SMAD3: variants seen among roughly 807,000 people sequenced by gnomAD.
SMAD3 encodes the protein SMAD family member 3.
In SMAD3, 12 loss-of-function variants were observed where a neutral mutation model predicts 51.8. That is an observed-to-expected ratio of 0.23 (90% CI 0.15 to 0.38). The LOEUF (loss-of-function observed/expected upper bound fraction) is 0.38, where lower values mean the gene tolerates loss of function less well. Among genes scored for constraint, SMAD3 ranks in the 10% least tolerant of loss-of-function variants. The pLI is 1.00. For synonymous variants in SMAD3, 238 were observed against 227.7 expected, an observed-to-expected ratio of 1.05 and a Z score of -0.41; for missense variants, 294 against 565.6, an observed-to-expected ratio of 0.52 and a Z score of 4.87.
intron 1 of SMAD3, among the ~76,000 whole-genome samples, chr15:67,150,172 C>CGA (rs1419203145): frequency 1.3e-5 from 2 of 152,162 alleles, no homozygotes; most frequent in African/African-American, 4.8e-5. Flanking sequence ...ACTGCCTCTC[C>CGA]GCGTGAATGT....
intron 7 of SMAD3, chr15:67,186,828 C>T (rs1963233330): frequency 5.8e-6 from 2 of 345,838 alleles, no homozygotes; most frequent in Non-Finnish European, 1.1e-5. Context: ...GTGGAGGGTG[C>T]ACTGGGCCCT....
At chr15:67,091,697 G>A (rs1188843507) in intron 1 of SMAD3, among the ~76,000 whole-genome samples, 3 of 151,964 alleles carry the variant, frequency 2.0e-5, no homozygotes, top group Admixed American at 2.0e-4. Flanking sequence ...AGTTTTTTGG[G>A]GAAAGAAAAC....
At chr15:67,090,944 G>A (rs968813135) in intron 1 of SMAD3, among the ~76,000 whole-genome samples, 1 of 152,184 alleles carries the variant, frequency 6.6e-6, no homozygotes, top group Non-Finnish European at 1.5e-5. Context: ...CTGCTGCAGG[G>A]TTGCGTCTTG....
chr15:67,098,762 C>T, intron 1 of SMAD3: 1 of 643,404 alleles, frequency 1.6e-6, no homozygotes, highest in South Asian at 1.7e-5. Flanking sequence ...TCCACAGCCC[C>T]CGGAAGGCAG....
intron 1 of SMAD3, among the ~76,000 whole-genome samples, chr15:67,104,801 G>A (rs1960840502): frequency 6.6e-6 from 1 of 152,258 alleles, no homozygotes; most frequent in Non-Finnish European, 1.5e-5. Context: ...CTAGATAAAT[G>A]TATAAACTGC....
chr15:67,137,359 T>G (rs1312932687), intron 1 of SMAD3, among the ~76,000 whole-genome samples: 1 of 152,222 alleles, frequency 6.6e-6, no homozygotes, highest in East Asian at 1.9e-4. Flanking sequence ...CCTTTTCGCT[T>G]TTTTAAACTG....
At chr15:67,081,783 C>T (rs1960284816) in intron 1 of SMAD3, among the ~76,000 whole-genome samples, 1 of 152,082 alleles carries the variant, frequency 6.6e-6, no homozygotes, top group Admixed American at 6.6e-5. Context: ...CGGGAGCCTC[C>T]TGGTATCTTG....
chr15:67,102,234 G>A (rs1198714433), intron 1 of SMAD3, among the ~76,000 whole-genome samples: 1 of 115,820 alleles, frequency 8.6e-6, no homozygotes, highest in Non-Finnish European at 1.8e-5. Flanking sequence ...AGTCTTGGGG[G>A]AAATGCTGTG....
chr15:67,088,730 C>T (rs981420436), intron 1 of SMAD3, among the ~76,000 whole-genome samples: 16 of 152,248 alleles, frequency 1.1e-4, no homozygotes, highest in South Asian at 2.1e-4. Context: ...AGTTCGAGAC[C>T]AGCCCGACCA....
intron 1 of SMAD3, among the ~76,000 whole-genome samples, chr15:67,093,016 A>G (rs1356685621): frequency 6.6e-6 from 1 of 152,188 alleles, no homozygotes; most frequent in African/African-American, 2.4e-5. Flanking sequence ...TTGAGTCAAC[A>G]GGAAGACTGG....
At chr15:67,084,082 T>C (rs1310777368) in intron 1 of SMAD3, among the ~76,000 whole-genome samples, 3 of 131,092 alleles carry the variant, frequency 2.3e-5, no homozygotes, top group Admixed American at 7.3e-5. Context: ...TTTTTTTTTT[T>C]TTTTTTTTTT....
At chr15:67,070,247 C>T (rs1358048738) in intron 1 of SMAD3, among the ~76,000 whole-genome samples, 1 of 152,096 alleles carries the variant, frequency 6.6e-6, no homozygotes, top group African/African-American at 2.4e-5. Flanking sequence ...TCCATTATCT[C>T]TTTGCTCTTG....
chr15:67,153,053 C>T (rs1962188198), intron 1 of SMAD3, among the ~76,000 whole-genome samples: 1 of 152,176 alleles, frequency 6.6e-6, no homozygotes, highest in African/African-American at 2.4e-5. Context: ...CTGTTCCTTG[C>T]TGGGTGACTT....
chr15:67,177,484 G>T (rs71400360), intron 5 of SMAD3, among the ~76,000 whole-genome samples: 3 of 146,602 alleles, frequency 2.0e-5, no homozygotes, highest in African/African-American at 7.8e-5. Context: ...GTGCAGTGGC[G>T]TGATCTTGGC....
rs148285814 is a variant in SMAD3, at chr15:67,088,002, C to T, written c.206+21642C>T. Among the ~76,000 whole-genome samples, 44 of 152,260 alleles carry T rather than the reference C, an allele frequency of 2.9e-4. No individual in the cohort carries two copies. The East Asian group carries it at 8.5e-3, about 29-fold the overall frequency. ...TCAGAGTTCTTGTACTGACATGGCC[C>T]AGCTGATTGACAGCTCAGATGTGAT... On this transcript the variant is annotated intron_variant, in intron 1 of 8. Transcript: ENST00000327367.
chr15:67,184,014 G>T (rs1567001470), intron 6 of SMAD3, among the ~76,000 whole-genome samples: 1 of 151,948 alleles, frequency 6.6e-6, no homozygotes, highest in Non-Finnish European at 1.5e-5. Context: ...TGGGGTAGTA[G>T]TAGCAGTAGC....
chr15:67,128,982 C>T (rs12439500), intron 1 of SMAD3, among the ~76,000 whole-genome samples: 44,065 of 152,038 alleles, frequency 0.29, 6,804 homozygotes, highest in Middle Eastern at 0.37. Flanking sequence ...TTGCGTTTTA[C>T]AGATGCGGCA....
intron 1 of SMAD3, among the ~76,000 whole-genome samples, chr15:67,085,412 C>T (rs1016091386): frequency 6.6e-6 from 1 of 152,176 alleles, no homozygotes; most frequent in African/African-American, 2.4e-5. Flanking sequence ...GTTTCTTCCA[C>T]CTTAAAAACT....
At chr15:67,119,978 G>A (rs912900424) in intron 1 of SMAD3, among the ~76,000 whole-genome samples, 11 of 152,142 alleles carry the variant, frequency 7.2e-5, no homozygotes, top group African/African-American at 2.7e-4. Flanking sequence ...TGTATATTTT[G>A]TGGAGGTGGG....
Sources: gnomAD v4.1 joint callset for allele counts (sites outside exome capture counted in the v4.1 genomes callset) on GRCh38, gnomAD v4.1.1 for gene constraint, MANE v1.5 for transcripts, NCBI Gene and HGNC (gene_info 2026-07-23, HGNC 2026-07-21) for gene names.